The following KLHL32 variants were observed in gnomAD, a reference collection of about 807,000 sequenced individuals.
KLHL32 encodes kelch-like protein 32.
KLHL32 carries 35 observed loss-of-function variants against 64.8 expected under a neutral mutation model. That is an observed-to-expected ratio of 0.54 (90% CI 0.41 to 0.72). The LOEUF (loss-of-function observed/expected upper bound fraction) is 0.72. Among genes scored for constraint, KLHL32 ranks in the 30% least tolerant of loss-of-function variants. KLHL32 has a pLI of 0.00. For synonymous variants in KLHL32, 259 were observed against 281.0 expected (o/e 0.92, Z 0.78); for missense variants, 589 against 768.5 (o/e 0.77, Z 2.76).
At position 97,114,234 on chromosome 6, in the gene KLHL32, G is replaced by A. The variant is rs1242210316; in HGVS notation, c.1079G>A (p.Gly360Asp). ...GGAGGGGAAGTTGAGCATGCCAGTG[G>A]CCGGACGTGTGCTGTGAGGACTGCC... Reference protein sequence around the residue: ...VAGGEVEHASGRTCAVRTACR... With the variant: ...VAGGEVEHASDRTCAVRTACR... Residue 360 changes from glycine to aspartate, a missense_variant, in exon 7 of 11, where the codon GGC becomes GAC. Around this residue, in one of 3 missense-constraint regions of KLHL32, gnomAD observed 226 missense variants for 353.2 expected, o/e 0.64. Transcript: ENST00000369261. 6.2e-7 allele frequency: 1 copy of A among 1,614,016 alleles called. No homozygotes were observed. Among genetic ancestry groups the A allele is most frequent in the Non-Finnish European group, 8.5e-7 (1 of 1,180,036 alleles).
the KLHL32 span, among the ~76,000 whole-genome samples, chr6:96,898,085 C>A: frequency 6.6e-6 from 1 of 152,244 alleles, no homozygotes; most frequent in African/African-American, 2.4e-5. Context: ...TTGCTTTTAA[C>A]GCTGGAACTC....
intron 3 of KLHL32, among the ~76,000 whole-genome samples, chr6:96,984,185 C>T (rs546437330): frequency 6.6e-4 from 101 of 152,300 alleles, no homozygotes; most frequent in African/African-American, 2.4e-3. Context: ...TGTAGTTGAG[C>T]AGTTTCGAGT....
intron 6 of KLHL32, among the ~76,000 whole-genome samples, chr6:97,089,093 G>C (rs1454871315): frequency 6.6e-6 from 1 of 152,220 alleles, no homozygotes; most frequent in Non-Finnish European, 1.5e-5. Context: ...AATTATGCTA[G>C]AGTGGAAAGA....
chr6:96,951,454 C>G (rs548178761), intron 1 of KLHL32, among the ~76,000 whole-genome samples: 1 of 152,070 alleles, frequency 6.6e-6, no homozygotes, highest in South Asian at 2.1e-4. Context: ...TAAATAGTTT[C>G]CAAAGAGGGC....
At chr6:97,133,854 TGG>T (rs1188818575) in intron 10 of KLHL32, among the ~76,000 whole-genome samples, 1 of 152,174 alleles carries the variant, frequency 6.6e-6, no homozygotes, top group Non-Finnish European at 1.5e-5. Context: ...ACTGAGCAGT[TGG>T]AAAGACTGTA....
At position 96,975,988 on chromosome 6, in the gene KLHL32, C is replaced by A; in HGVS notation, c.24-9C>A. ...GGAAAAATGTTGACTTGATTGCTCT[C>A]CTTTGTAGTATTCAAGAAATGCTGA... On this transcript the variant is annotated splice_polypyrimidine_tract_variant and intron_variant, in intron 2 of 10. Transcript: ENST00000369261. 1 of 1,557,324 alleles carries A rather than the reference C, an allele frequency of 6.4e-7. No homozygotes were observed. The highest frequency in any genetic ancestry group is 1.2e-5 in the South Asian group (1 of 84,382).
intron 4 of KLHL32, among the ~76,000 whole-genome samples, chr6:97,063,322 G>C (rs188078574): frequency 6.6e-6 from 1 of 152,298 alleles, no homozygotes; most frequent in East Asian, 1.9e-4. Context: ...TCGATATAAG[G>C]CCTAAGGAAA....
intron 5 of KLHL32, among the ~76,000 whole-genome samples, chr6:97,073,039 C>T (rs1791002968): frequency 6.6e-6 from 1 of 152,182 alleles, no homozygotes. Context: ...ATCTTACAAA[C>T]ACAGTATCCT....
At chr6:97,124,427 T>C (rs1471215160) in intron 7 of KLHL32, among the ~76,000 whole-genome samples, 2 of 152,218 alleles carry the variant, frequency 1.3e-5, no homozygotes, top group Non-Finnish European at 2.9e-5. Context: ...GTATTATAGA[T>C]GCATTTGTGG....
chr6:96,928,354 T>G (rs1164717691), intron 1 of KLHL32, among the ~76,000 whole-genome samples: 1 of 152,072 alleles, frequency 6.6e-6, no homozygotes, highest in Non-Finnish European at 1.5e-5. Flanking sequence ...ATACCTAATA[T>G]TGATGAGCTT....
chr6:96,905,621 T>C, the KLHL32 span, among the ~76,000 whole-genome samples: 1 of 152,238 alleles, frequency 6.6e-6, no homozygotes, highest in Non-Finnish European at 1.5e-5. Context: ...ACTTATTTCA[T>C]AGGGTTGTTG....
Position 97,053,104 on chromosome 6 carries a change from G to A in KLHL32, c.312+11505G>A, listed in dbSNP as rs80278796. On this transcript the variant is annotated intron_variant, in intron 4 of 10. Coordinates refer to ENST00000369261, the MANE Select transcript of KLHL32 (RefSeq NM_052904.4). ...TGGATACACACACACACACACACAC[G>A]CACACACATTCTCTCCTGACCTCAT... 6.7e-5 allele frequency among the ~76,000 whole-genome samples: 10 copies of A among 148,828 alleles called. No homozygotes were observed. In the South Asian group the frequency reaches 8.5e-4, roughly 13 times the overall value.
chr6:96,980,629 G>T (rs1776198968), intron 3 of KLHL32, among the ~76,000 whole-genome samples: 1 of 151,868 alleles, frequency 6.6e-6, no homozygotes, highest in Non-Finnish European at 1.5e-5. Flanking sequence ...TTCTTTTTTT[G>T]TTGTGTCTCT....
chr6:97,138,719 A>G (rs57243329), intron 10 of KLHL32, among the ~76,000 whole-genome samples: 2 of 152,288 alleles, frequency 1.3e-5, no homozygotes, highest in East Asian at 3.9e-4. Context: ...AATTTTCACA[A>G]CAAAGCTGCA....
intron 3 of KLHL32, among the ~76,000 whole-genome samples, chr6:97,018,073 T>C (rs1438807282): frequency 3.3e-5 from 5 of 152,060 alleles, no homozygotes; most frequent in Non-Finnish European, 5.9e-5. Flanking sequence ...ACTCAACAAG[T>C]GGATGAAACT....
the KLHL32 span, among the ~76,000 whole-genome samples, chr6:96,902,369 T>C: frequency 1.3e-5 from 2 of 152,372 alleles, no homozygotes; most frequent in Non-Finnish European, 2.9e-5. Context: ...GAGCTTTTTT[T>C]CATGTTTGTT....
chr6:96,964,505 T>A (rs1250885292), intron 1 of KLHL32, among the ~76,000 whole-genome samples: 2 of 151,970 alleles, frequency 1.3e-5, no homozygotes, highest in African/African-American at 2.4e-5. Flanking sequence ...TACAAAAAAT[T>A]AGCAGGGCGT....
At chr6:97,060,139 A>T (rs1788637813) in intron 4 of KLHL32, among the ~76,000 whole-genome samples, 2 of 152,180 alleles carry the variant, frequency 1.3e-5, no homozygotes, top group South Asian at 4.1e-4. Context: ...GCAGGTAATT[A>T]AAAAATCTCC....
chr6:96,925,881 C>T (rs918616950), intron 1 of KLHL32, among the ~76,000 whole-genome samples: 28 of 152,242 alleles, frequency 1.8e-4, no homozygotes, highest in African/African-American at 6.3e-4. Flanking sequence ...TATCTCTATA[C>T]ACAGATAGAG....
Sources: gnomAD v4.1 joint callset for allele counts (sites outside exome capture counted in the v4.1 genomes callset) on GRCh38, gnomAD v4.1.1 for gene constraint, gnomAD v4.1.1 regional missense constraint, MANE v1.5 for transcripts, NCBI Gene and HGNC (gene_info 2026-07-23, HGNC 2026-07-21) for gene names.